Variants in PZP observed in about 807,000 individuals in gnomAD.
PZP encodes PZP alpha-2-macroglobulin like, also known as pregnancy zone protein.
A neutral mutation model predicts 179.8 loss-of-function variants in PZP; 150 were observed. The ratio of observed to expected loss-of-function variants is 0.83; its 90% CI spans 0.73 to 0.96. PZP has a LOEUF of 0.96. Among genes scored for constraint, PZP ranks in the 40% least tolerant of loss-of-function variants. The pLI, the probability that PZP is intolerant of heterozygous loss-of-function variation, is 0.00. For synonymous variants in PZP, 624 were observed against 652.3 expected, an observed-to-expected ratio of 0.96 and a Z score of 0.66; for missense variants, 1,689 against 1,764.0, an observed-to-expected ratio of 0.96 and a Z score of 0.76.
chr12:9,147,408 A>G (rs1233497707), downstream of PZP, among the ~76,000 whole-genome samples: 2 of 152,050 alleles, frequency 1.3e-5, no homozygotes, highest in Non-Finnish European at 2.9e-5. Context: ...GCCTCTTTCT[A>G]ATTGTATTAT....
chr12:9,146,609 G>A (rs1203731354), downstream of PZP, among the ~76,000 whole-genome samples: 1 of 151,888 alleles, frequency 6.6e-6, no homozygotes, highest in African/African-American at 2.4e-5. Flanking sequence ...ACAAAGGAAG[G>A]CACCTCTCCC....
At chr12:9,142,159 A>G in the PZP span, among the ~76,000 whole-genome samples, 1 of 152,174 alleles carries the variant, frequency 6.6e-6, no homozygotes, top group Non-Finnish European at 1.5e-5. Context: ...CTTTTCTTTA[A>G]TATCAAAGAT....
In PZP at chr12:9,178,431, A is replaced by G. The variant is rs193049143; in HGVS notation, c.1839+2552T>C. Among the ~76,000 whole-genome samples, 171 of 152,226 alleles carry G rather than the reference A, an allele frequency of 1.1e-3. 1 individual carries two copies. Among genetic ancestry groups the G allele is most frequent in the Middle Eastern group, 0.01 (3 of 294 alleles). On this transcript the variant is annotated intron_variant, in intron 15 of 35. Coordinates refer to ENST00000261336, the MANE Select transcript of PZP (RefSeq NM_002864.3). ...CTTATTTTACTTCATCATGGCCCCAATGCACCAGAGTATTGATGCTGGCAA... is the reference window on the plus strand; with the variant it reads ...CTTATTTTACTTCATCATGGCCCCAGTGCACCAGAGTATTGATGCTGGCAA...
In PZP at chr12:9,202,672, A is replaced by G. The variant is rs370504316; in HGVS notation, c.280T>C (p.Ser94Pro). 3 of 1,613,788 alleles carry G rather than the reference A, an allele frequency of 1.9e-6. No individual in the cohort carries two copies. Among genetic ancestry groups the G allele is most frequent in the Non-Finnish European group, 2.5e-6 (3 of 1,179,908 alleles). ...HCVSFTLPRI[S>P]ASSEVAFLSI... Reference sequence around the variant, plus strand: ...AGGAATGCCACCTCTGAAGAGGCTGAGATCCTTGGGAGCTAAAAAGCAAAG... The same window carrying G: ...AGGAATGCCACCTCTGAAGAGGCTGGGATCCTTGGGAGCTAAAAAGCAAAG... The change falls in exon 3 of 36, where the codon TCA (serine) becomes CCA (proline). Residue 94 changes from serine to proline, a missense_variant. Ser to Pro is a moderately conservative substitution (Grantham distance 74). This residue lies in a region of PZP where 742 missense variants were observed against 730.5 expected (regional missense o/e 1.02). Coordinates refer to ENST00000261336, the MANE Select transcript of PZP (RefSeq NM_002864.3).
chr12:9,168,694 C>T, intron 17 of PZP, 175 bp downstream of exon 17: 1 of 517,804 alleles, frequency 1.9e-6, no homozygotes, highest in Non-Finnish European at 3.4e-6. Context: ...AAAAAAATCT[C>T]TGATCAGTTC....
intron 2 of PZP, 32 bp downstream of exon 2, chr12:9,203,736 C>T (rs1324401943): frequency 1.2e-6 from 2 of 1,611,082 alleles, no homozygotes; most frequent in South Asian, 2.2e-5. Flanking sequence ...ATGTATCAAG[C>T]AGGGATAGCC....
intron 11 of PZP, among the ~76,000 whole-genome samples, 154 bp downstream of exon 11, chr12:9,193,923 T>C (rs547141121): frequency 3.9e-4 from 59 of 152,314 alleles, no homozygotes; most frequent in Admixed American, 8.5e-4. Context: ...GCCTTTATTG[T>C]TTTTCATGAA....
chr12:9,196,497 C>G, intron 9 of PZP, 58 bp from the exon 10 acceptor site: 5 of 1,573,886 alleles, frequency 3.2e-6, no homozygotes, highest in Non-Finnish European at 4.4e-6. Context: ...AAATTTCTTT[C>G]TTACAAATGA....
intron 12 of PZP, 64 bp from the exon 13 acceptor site, chr12:9,192,320 C>A: frequency 6.8e-7 from 1 of 1,478,478 alleles, no homozygotes; most frequent in South Asian, 1.1e-5. Context: ...CTTCTATTCC[C>A]CACATGACCC....
intron 24 of PZP, 79 bp downstream of exon 24, chr12:9,160,235 T>C: frequency 1.5e-6 from 2 of 1,307,928 alleles, no homozygotes; most frequent in East Asian, 2.3e-5. Flanking sequence ...CATGGGTTAA[T>C]ATTTGATGAT....
chr12:9,174,491 T>C (rs977374465), intron 15 of PZP, among the ~76,000 whole-genome samples: 10 of 152,280 alleles, frequency 6.6e-5, no homozygotes, highest in African/African-American at 2.4e-4. Context: ...GCAAGAGAAA[T>C]AAATAAAGTG....
At chr12:9,182,165 A>ATAAGTGAGACAAAAG in intron 13 of PZP, 48 bp from the exon 14 acceptor site, 1 of 154,860 alleles carries the variant, frequency 6.5e-6, no homozygotes, top group Non-Finnish European at 1.0e-5. Context: ...TGAGACAAAA[A>ATAAGTGAGACAAAAG]GGTCATAAAA....
chr12:9,146,112 T>C (rs895775389), downstream of PZP, among the ~76,000 whole-genome samples: 3 of 152,172 alleles, frequency 2.0e-5, no homozygotes, highest in Non-Finnish European at 2.9e-5. Context: ...AATAAGTTTT[T>C]TCTTTCTTTC....
intron 13 of PZP, among the ~76,000 whole-genome samples, chr12:9,185,839 C>G (rs1169501109): frequency 9.4e-6 from 1 of 105,906 alleles, no homozygotes; most frequent in Non-Finnish European, 2.2e-5. Context: ...GACAGAGTCT[C>G]ACTCTGTCAC....
chr12:9,137,895 A>G, the PZP span, among the ~76,000 whole-genome samples: 1 of 152,038 alleles, frequency 6.6e-6, no homozygotes, highest in Non-Finnish European at 1.5e-5. Flanking sequence ...GTATTTGTGT[A>G]TTAGTTTTAA....
rs1943651527 is a variant in PZP at position 9,194,580 on chromosome 12, T to G, written c.1093-342A>C. ...CCTGGACTCACGCCATTCTCCTGCC[T>G]CAGCCTCCCGAGTAGCTGGGACTAC... On this transcript the variant is annotated intron_variant, in intron 10 of 35. Transcript: ENST00000261336. Among the ~76,000 whole-genome samples the G allele has an allele frequency of 2.0e-5, 3 of 149,740 alleles. No homozygotes were observed. The East Asian group carries it at 6.1e-4, about 30-fold the overall frequency.
downstream of PZP, among the ~76,000 whole-genome samples, chr12:9,145,445 T>G (rs942230823): frequency 1.3e-5 from 2 of 152,206 alleles, no homozygotes; most frequent in African/African-American, 2.4e-5. Flanking sequence ...ACAAAAACTT[T>G]GCCCTTTATC....
intron 7 of PZP, among the ~76,000 whole-genome samples, chr12:9,197,471 A>G (rs1156607414): frequency 2.3e-5 from 3 of 130,716 alleles, no homozygotes; most frequent in Non-Finnish European, 4.6e-5. Context: ...ATAATATAAT[A>G]TATAATAATA....
At chr12:9,173,625 A>C (rs1221839539) in intron 15 of PZP, among the ~76,000 whole-genome samples, 1 of 152,192 alleles carries the variant, frequency 6.6e-6, no homozygotes, top group African/African-American at 2.4e-5. Flanking sequence ...AAGTAGACAC[A>C]ATCAGAAATG....
Sources: gnomAD v4.1 joint callset for allele counts (sites outside exome capture counted in the v4.1 genomes callset) on GRCh38, gnomAD v4.1.1 for gene constraint, gnomAD v4.1.1 regional missense constraint, MANE v1.5 for transcripts, NCBI Gene and HGNC (gene_info 2026-07-23, HGNC 2026-07-21) for gene names.